Variants in ZNF444 observed in about 807,000 individuals in gnomAD.
The protein encoded by ZNF444 is endothelial zinc finger protein 2.
A neutral mutation model predicts 14.4 loss-of-function variants in ZNF444; 8 were observed. The observed-to-expected ratio is 0.56, with a 90% CI of 0.33 to 1.00. The LOEUF (loss-of-function observed/expected upper bound fraction) is 1.00, where lower values mean the gene tolerates loss of function less well. Ranked by LOEUF, ZNF444 falls within the 50% of genes least tolerant of loss-of-function variation. ZNF444 has a pLI of 0.03. For missense variants in ZNF444, 510 were observed against 504.8 expected (o/e 1.01, Z -0.10); for synonymous variants, 258 against 235.9 (o/e 1.09, Z -0.86).
chr19:56,150,524 A>G (rs1300740857), intron 3 of ZNF444: 3 of 382,712 alleles, frequency 7.8e-6, no homozygotes, highest in Non-Finnish European at 1.0e-5. Flanking sequence ...TTCTCCTATC[A>G]GTGTCCACAC....
At chr19:56,135,896 T>C (rs1252585913) in intron 1 of ZNF444, among the ~76,000 whole-genome samples, 1 of 150,964 alleles carries the variant, frequency 6.6e-6, no homozygotes, top group Non-Finnish European at 1.5e-5. Context: ...CTGGCCAACA[T>C]GGTGAAACCC....
Position 56,159,839 on chromosome 19 carries a change from G to T in ZNF444, c.622G>T (p.Ala208Ser). The T allele has an allele frequency of 6.4e-7, 1 of 1,563,406 alleles. No homozygotes were observed. Among genetic ancestry groups the T allele is most frequent in the Non-Finnish European group, 8.6e-7 (1 of 1,160,946 alleles). Reference protein sequence around the residue: ...RQSHSGEKPHACPECGKAFRR... With the variant: ...RQSHSGEKPHSCPECGKAFRR... ...GAGCCACTCGGGCGAGAAGCCGCAC[G>T]CCTGCCCTGAGTGCGGGAAGGCCTT... Residue 208 changes from alanine to serine, a missense_variant, in exon 5 of 5, where the codon GCC becomes TCC. Coordinates refer to ENST00000337080, the MANE Select transcript of ZNF444 (RefSeq NM_018337.4).
In ZNF444 at chr19:56,146,974, C is replaced by T. The variant is rs1225144373; in HGVS notation, c.63C>T (p.His21=). The T allele has an allele frequency of 1.4e-6, 2 of 1,434,492 alleles. No individual in the cohort carries two copies. The highest frequency in any genetic ancestry group is 1.8e-6 in the Non-Finnish European group (2 of 1,103,382). The allele number at this position is 1,434,492 out of a possible 1,614,324, so 88.9% of individuals were successfully genotyped here. ...AEGLALDSPW[H]RFRRFHLGDA... ...GCCTGGCGCTGGACTCCCCGTGGCA[C>T]CGCTTCCGCCGCTTCCACCTGGGCG... Residue 21 remains histidine (H), a synonymous_variant, in exon 3 of 5, where the codon CAC becomes CAT. Transcript: ENST00000337080.
intron 2 of ZNF444, 25 bp from the exon 3 acceptor site, chr19:56,146,865 G>T: frequency 7.4e-7 from 1 of 1,348,854 alleles, no homozygotes; most frequent in Non-Finnish European, 9.5e-7. Context: ...GGCGGGCAGG[G>T]GTCTCACCGG....
chr19:56,152,901 T>C (rs1215763331), intron 3 of ZNF444, among the ~76,000 whole-genome samples: 1 of 152,062 alleles, frequency 6.6e-6, no homozygotes, highest in African/African-American at 2.4e-5. Flanking sequence ...ACCTTCAGGG[T>C]TAGGATTTCA....
rs1214430236 is a variant in ZNF444 at position 56,141,790 on chromosome 19, G to A, written c.-197+433G>A. 4 of 152,158 alleles carry A rather than the reference G, an allele frequency of 2.6e-5. No individual in the cohort carries two copies. In the East Asian group the frequency reaches 7.7e-4, roughly 29 times the overall value. 9.4% of individuals were successfully genotyped at this position (152,158 alleles called of 1,614,324 possible). On this transcript the variant is annotated intron_variant, in intron 1 of 4. Transcript: ENST00000337080. ...GGGGCGCCGGGACCGGACCCCTTCG[G>A]AAAGGTTTGCGGGAAGGGGCTTCCG...
chr19:56,159,449 C>T (rs1445203011), intron 4 of ZNF444, among the ~76,000 whole-genome samples, 175 bp from the exon 5 acceptor site: 1 of 152,142 alleles, frequency 6.6e-6, no homozygotes, highest in Non-Finnish European at 1.5e-5. Context: ...TGACTGTATG[C>T]CAGGCACTAC....
chr19:56,154,769 C>T (rs2031801784), intron 3 of ZNF444: 1 of 152,104 alleles, frequency 6.6e-6, no homozygotes, highest in South Asian at 2.1e-4. Context: ...CTTAGGGGAT[C>T]CTCAGCAGAA....
chr19:56,139,721 A>AAC (rs1372616760), upstream of ZNF444, among the ~76,000 whole-genome samples: 1 of 142,088 alleles, frequency 7.0e-6, no homozygotes, highest in Non-Finnish European at 1.5e-5. Context: ...AAACCAAAAA[A>AAC]AAAAAAAGAA....
chr19:56,149,345 C>T (rs1359050288), intron 3 of ZNF444, among the ~76,000 whole-genome samples: 3 of 117,402 alleles, frequency 2.6e-5, no homozygotes, highest in Non-Finnish European at 3.6e-5. Context: ...ACCTTGACCT[C>T]TGCTTCCATC....
At chr19:56,142,439 C>T (rs889393074) in intron 1 of ZNF444, 2 of 152,158 alleles carry the variant, frequency 1.3e-5, no homozygotes, top group Non-Finnish European at 2.9e-5. Flanking sequence ...GGTTTTGTCC[C>T]CCAGGGGACA....
chr19:56,159,358 A>T (rs1599910044), intron 4 of ZNF444, among the ~76,000 whole-genome samples: 1 of 151,704 alleles, frequency 6.6e-6, no homozygotes, highest in Middle Eastern at 3.4e-3. Flanking sequence ...CCCATCATCC[A>T]CCCACGCATT....
In ZNF444 at chr19:56,146,951, C is replaced by T. The variant is rs2031226684; in HGVS notation, c.40C>T (p.Leu14=). The change falls in exon 3 of 5, where the codon CTG becomes TTG. Residue 14 remains leucine, a synonymous_variant. Coordinates refer to ENST00000337080, the MANE Select transcript of ZNF444 (RefSeq NM_018337.4). ...GCCCGTGAAGCAGGAGGCCGAGGGC[C>T]TGGCGCTGGACTCCCCGTGGCACCG... ...AVPVKQEAEG[L]ALDSPWHRFR... The T allele has an allele frequency of 6.9e-7, 1 of 1,446,096 alleles. No individual in the cohort carries two copies. Among genetic ancestry groups the T allele is most frequent in the African/African-American group, 1.5e-5 (1 of 67,062 alleles). 89.6% of individuals were successfully genotyped at this position (1,446,096 alleles called of 1,614,324 possible).
chr19:56,146,066 T>C (rs2031161955), intron 1 of ZNF444, 181 bp from the exon 2 acceptor site: 1 of 152,246 alleles, frequency 6.6e-6, no homozygotes, highest in African/African-American at 2.4e-5. Flanking sequence ...CATGTGAATT[T>C]TGGGAGACAA....
At chr19:56,156,220 T>C (rs1349798928) in intron 3 of ZNF444, 2 of 152,252 alleles carry the variant, frequency 1.3e-5, no homozygotes, top group East Asian at 3.8e-4. Context: ...CCTCCTGGCA[T>C]GTGGGTGAGG....
chr19:56,160,163 G>C lies in ZNF444; in HGVS notation c.946G>C (p.Asp316His). ...SAQGAVAPGP[D>H]GGGPFPPWPL... ...GCAGGGGGCGGTAGCTCCGGGCCCG[G>C]ATGGTGGAGGCCCCTTCCCGCCCTG... The change falls in exon 5 of 5, where the codon GAT becomes CAT. Residue 316 changes from aspartate to histidine, a missense_variant. Physicochemically the swap from Asp to His is moderately conservative, Grantham distance 81 (BLOSUM62 -1). Transcript: ENST00000337080. 6.8e-7 allele frequency: 1 copy of C among 1,480,450 alleles called. No individual in the cohort carries two copies. Among genetic ancestry groups the C allele is most frequent in the South Asian group, 1.3e-5 (1 of 77,518 alleles). 91.7% of individuals were successfully genotyped at this position (1,480,450 alleles called of 1,614,324 possible).
intron 3 of ZNF444, chr19:56,157,132 G>C (rs1358605160): frequency 6.6e-6 from 1 of 152,378 alleles, no homozygotes; most frequent in Non-Finnish European, 1.5e-5. Context: ...GAGCTGGAGG[G>C]TGGTCCAGGG....
rs770948744 is a variant in ZNF444, at chr19:56,160,232, T to C, written c.*31T>C. ...TCCCGGCCAGCGCCATCTCCCGCCCTTGGTGCTGCCCCCGGGCGGTACCTG... is the reference window on the plus strand; with the variant it reads ...TCCCGGCCAGCGCCATCTCCCGCCCCTGGTGCTGCCCCCGGGCGGTACCTG... On this transcript the variant is annotated 3_prime_UTR_variant, in exon 5 of 5. Transcript: ENST00000337080. The C allele has an allele frequency of 1.4e-6, 2 of 1,405,636 alleles. No individual in the cohort carries two copies. The highest frequency in any genetic ancestry group is 3.0e-5 in the African/African-American group (2 of 65,630). 87.1% of individuals were successfully genotyped at this position (1,405,636 alleles called of 1,614,324 possible). A position where few individuals can be genotyped will look rare whatever the true frequency, so the allele number is the denominator to read the frequency against.
At chr19:56,155,220 C>G (rs891765469) in intron 3 of ZNF444, 1 of 152,430 alleles carries the variant, frequency 6.6e-6, no homozygotes, top group South Asian at 2.1e-4. Context: ...GAGGAAGGCT[C>G]TGTGCTCGGA....
Sources: allele counts gnomAD v4.1 joint callset (sites outside exome capture counted in the v4.1 genomes callset), GRCh38; gene constraint gnomAD v4.1.1; transcripts MANE v1.5; gene names NCBI Gene and HGNC (gene_info 2026-07-23, HGNC 2026-07-21).